Variants in WDR49 observed in about 807,000 individuals in gnomAD.
The protein encoded by WDR49 is WD repeat domain 49.
WDR49 carries 107 observed loss-of-function variants against 119.5 expected under a neutral mutation model. The ratio of observed to expected loss-of-function variants is 0.90; its 90% CI spans 0.77 to 1.05. WDR49 has a LOEUF of 1.05. WDR49 is among the 50% of genes least tolerant of loss of function. WDR49 has a pLI of 0.00. For synonymous variants in WDR49, 425 were observed against 418.8 expected (o/e 1.01, Z -0.18); for missense variants, 1,240 against 1,220.5 (o/e 1.02, Z -0.24).
intron 14 of WDR49, 102 bp downstream of exon 14, chr3:167,528,950 T>C: frequency 3.3e-6 from 3 of 902,990 alleles, no homozygotes; most frequent in Non-Finnish European, 4.7e-6. Context: ...ACTATACATT[T>C]TTTCCTTTGT....
Position 167,478,770 on chromosome 3 carries a change from A to G in WDR49, c.*108T>C, listed in dbSNP as rs1449489667. On this transcript the variant is annotated 3_prime_UTR_variant, in exon 19 of 19. Transcript: ENST00000682715. The stretch of plus-strand genomic sequence containing the variant: ...GTACTAAATTATCCCATGAAGAGAA[A>G]ACTTCCTGAAGTTTAAATATAAAAT... 1.4e-6 allele frequency: 1 copy of G among 712,592 alleles called. No individual in the cohort carries two copies. The highest frequency in any genetic ancestry group is 2.2e-6 in the Non-Finnish European group (1 of 452,176). 44.1% of individuals were successfully genotyped at this position (712,592 alleles called of 1,614,324 possible).
upstream of WDR49, among the ~76,000 whole-genome samples, chr3:167,654,587 C>A (rs1718532765): frequency 2.0e-5 from 3 of 152,104 alleles, no homozygotes; most frequent in South Asian, 6.2e-4. Flanking sequence ...TGATCATTAT[C>A]CCCATTTTAC....
At chr3:167,488,798 G>A (rs1304182416) in intron 18 of WDR49, among the ~76,000 whole-genome samples, 1 of 152,034 alleles carries the variant, frequency 6.6e-6, no homozygotes, top group Non-Finnish European at 1.5e-5. Context: ...GGTCCCACAT[G>A]ACATGACCCC....
At chr3:167,511,248 ACTAT>A (rs1751960235) in intron 16 of WDR49, among the ~76,000 whole-genome samples, 1 of 152,102 alleles carries the variant, frequency 6.6e-6, no homozygotes. Flanking sequence ...ATTTTTCTAT[ACTAT>A]CTCATTATTA....
At chr3:167,621,252 C>CA (rs963275909) in intron 4 of WDR49, among the ~76,000 whole-genome samples, 2 of 151,728 alleles carry the variant, frequency 1.3e-5, no homozygotes, top group East Asian at 1.9e-4. Context: ...ATACACAGAC[C>CA]AAAAAAACAA....
chr3:167,486,226 C>T (rs1750911797), intron 18 of WDR49, among the ~76,000 whole-genome samples: 1 of 152,044 alleles, frequency 6.6e-6, no homozygotes, highest in African/African-American at 2.4e-5. Flanking sequence ...ATGTGATCAG[C>T]CGTAATTACA....
At position 167,620,548 on chromosome 3, in the gene WDR49, C is replaced by G. The variant is rs893374726; in HGVS notation, c.839G>C (p.Ser280Thr). The change falls in exon 5 of 19, where the codon AGT becomes ACT. Residue 280 changes from serine (S) to threonine (T), a missense_variant. Coordinates refer to ENST00000682715, the MANE Select transcript of WDR49 (RefSeq NM_001366157.1). ...AGTGGCTTCTCCATCTTCACATGCA[C>G]TAGCAGGCCGTTCAAACAGGGAAAT... ...ALISLFERPA[S>T]ACEDGEATMT... The G allele has an allele frequency of 1.3e-6, 2 of 1,535,454 alleles. No individual in the cohort carries two copies. The highest frequency in any genetic ancestry group is 1.7e-6 in the Non-Finnish European group (2 of 1,146,528).
chr3:167,639,897 G>C (rs898306101), intron 2 of WDR49, among the ~76,000 whole-genome samples: 1 of 151,690 alleles, frequency 6.6e-6, no homozygotes, highest in African/African-American at 2.4e-5. Flanking sequence ...CTAATGGACA[G>C]GGCAGAATGA....
chr3:167,527,547 T>C (rs1752679620), intron 15 of WDR49, among the ~76,000 whole-genome samples: 1 of 152,088 alleles, frequency 6.6e-6, no homozygotes, highest in Non-Finnish European at 1.5e-5. Context: ...AGAAATTTAT[T>C]CTAGAGGAGA....
At chr3:167,613,175 C>A (rs1306068443) in intron 5 of WDR49, among the ~76,000 whole-genome samples, 1 of 152,072 alleles carries the variant, frequency 6.6e-6, no homozygotes, top group Non-Finnish European at 1.5e-5. Flanking sequence ...ATATATACAC[C>A]TACTCTGTAT....
rs529688826 is a variant in WDR49, at chr3:167,583,611, C to CA, written c.1276-7461dup. Among the ~76,000 whole-genome samples the CA allele has an allele frequency of 2.0e-3, 303 of 151,694 alleles. 2 individuals are homozygous for CA. Among genetic ancestry groups the CA allele is most frequent in the African/African-American group, 7.0e-3 (288 of 41,306 alleles). On this transcript the variant is annotated intron_variant, in intron 7 of 18. Transcript: ENST00000682715. The stretch of plus-strand genomic sequence containing the variant: ...GGAGTAAGAAGTATTTCCATGGGTC[C>CA]AAAAAAACAAGGGAAAAAGAAACAA...
At chr3:167,606,020 T>G (rs952733972) in intron 5 of WDR49, among the ~76,000 whole-genome samples, 2 of 152,194 alleles carry the variant, frequency 1.3e-5, no homozygotes, top group Admixed American at 1.3e-4. Context: ...AGTTTTAACA[T>G]TCACACAAAT....
At chr3:167,633,385 G>A (rs1055643590) in intron 2 of WDR49, 1 of 453,166 alleles carries the variant, frequency 2.2e-6, no homozygotes, top group African/African-American at 2.0e-5. Flanking sequence ...TGTCCTAAGT[G>A]AGCCTGGTGA....
intron 2 of WDR49, among the ~76,000 whole-genome samples, chr3:167,646,882 G>A (rs1286929013): frequency 6.6e-6 from 1 of 152,088 alleles, no homozygotes; most frequent in East Asian, 1.9e-4. Flanking sequence ...ACATGATGAA[G>A]GGAGAAAAGA....
At position 167,556,219 on chromosome 3, in the gene WDR49, G is replaced by T. The variant is rs566185119; in HGVS notation, c.1675-1421C>A. Among the ~76,000 whole-genome samples the T allele has an allele frequency of 3.1e-4, 47 of 152,232 alleles. 1 individual carries two copies. The South Asian group carries it at 9.5e-3, about 31-fold the overall frequency. On this transcript the variant is annotated intron_variant, in intron 9 of 18. Coordinates refer to ENST00000682715, the MANE Select transcript of WDR49 (RefSeq NM_001366157.1). The stretch of plus-strand genomic sequence containing the variant: ...GACAATAAAAAATCATGAAGAAAAC[G>T]ATTTTGGAATCTGTTGACATCCTGA...
chr3:167,632,394 G>C (rs1410781537), intron 2 of WDR49, among the ~76,000 whole-genome samples: 1 of 151,900 alleles, frequency 6.6e-6, no homozygotes, highest in Non-Finnish European at 1.5e-5. Context: ...ATATCCACTG[G>C]GGAAAGAGAC....
intron 16 of WDR49, among the ~76,000 whole-genome samples, chr3:167,509,946 T>G (rs1419396320): frequency 6.6e-6 from 1 of 152,154 alleles, no homozygotes; most frequent in Non-Finnish European, 1.5e-5. Context: ...TCACAGTTAT[T>G]TTTATAAAAT....
At chr3:167,545,509 T>TTATATATATATATATATATATATATA (rs141981277) in intron 10 of WDR49, among the ~76,000 whole-genome samples, 12 of 108,246 alleles carry the variant, frequency 1.1e-4, no homozygotes, top group South Asian at 3.1e-4. Flanking sequence ...ATATTATATA[T>TTATATATATATATATATATATATATA]TATATATATA....
chr3:167,627,082 C>A lies in WDR49; in HGVS notation c.376G>T (p.Val126Leu). 1 of 1,282,058 alleles carries A rather than the reference C, an allele frequency of 7.8e-7. No individual in the cohort carries two copies. The highest frequency in any genetic ancestry group is 1.5e-5 in the African/African-American group (1 of 65,732). 79.4% of individuals were successfully genotyped at this position (1,282,058 alleles called of 1,614,324 possible). A position where few individuals can be genotyped will look rare whatever the true frequency, so the allele number is the denominator to read the frequency against. Residue 126 changes from valine (V) to leucine (L), a missense_variant, in exon 3 of 19, where the codon GTG (valine) becomes TTG (leucine). Val to Leu is a conservative substitution (Grantham distance 32, BLOSUM62 1). Coordinates refer to ENST00000682715, the MANE Select transcript of WDR49 (RefSeq NM_001366157.1). ...EQDERAKATV[V>L]PQWKDLEFLP... ...AATTCAAGGTCCTTCCACTGGGGCACCACAGTTGCCTTTGCTCGTTCATCT... is the reference window on the plus strand; with the variant it reads ...AATTCAAGGTCCTTCCACTGGGGCAACACAGTTGCCTTTGCTCGTTCATCT...
Sources: gnomAD v4.1 joint callset for allele counts (sites outside exome capture counted in the v4.1 genomes callset) on GRCh38, gnomAD v4.1.1 for gene constraint, MANE v1.5 for transcripts, NCBI Gene and HGNC (gene_info 2026-07-23, HGNC 2026-07-21) for gene names.